Variants in PCDHA2 observed in about 807,000 individuals in gnomAD.
PCDHA2 encodes protocadherin alpha 2.
In PCDHA2, 58 loss-of-function variants were observed where a neutral mutation model predicts 66.0. The observed-to-expected ratio is 0.88, with a 90% CI of 0.71 to 1.09. The LOEUF (loss-of-function observed/expected upper bound fraction) is 1.09. Ranked by LOEUF, PCDHA2 falls within the 50% of genes least tolerant of loss-of-function variation. The pLI is 0.00. For missense variants in PCDHA2, 1,267 were observed against 1,242.3 expected (o/e 1.02, Z -0.30); for synonymous variants, 634 against 554.0 (o/e 1.14, Z -2.03).
chr5:140,918,234 T>G (rs1188816850), intron 1 of PCDHA2, among the ~76,000 whole-genome samples: 1 of 152,210 alleles, frequency 6.6e-6, no homozygotes, highest in Non-Finnish European at 1.5e-5. Context: ...TTTTGTACAT[T>G]GATTTTGTAT....
intron 1 of PCDHA2, among the ~76,000 whole-genome samples, chr5:140,917,068 G>A (rs2077864221): frequency 6.6e-6 from 1 of 152,066 alleles, no homozygotes; most frequent in African/African-American, 2.4e-5. Flanking sequence ...CGACAGCACC[G>A]AGTTTAATGT....
intron 1 of PCDHA2, chr5:140,841,607 T>G (rs1554138334): frequency 4.3e-6 from 7 of 1,614,090 alleles, no homozygotes; most frequent in Non-Finnish European, 5.9e-6. Flanking sequence ...CGAGGAGCTG[T>G]GCGGGCGGAG....
intron 1 of PCDHA2, among the ~76,000 whole-genome samples, chr5:140,914,941 T>C (rs1554196635): frequency 6.9e-6 from 1 of 145,614 alleles, no homozygotes; most frequent in Non-Finnish European, 1.5e-5. Flanking sequence ...TGTGAAAAGT[T>C]GTCTTTTTTT....
chr5:140,807,031 GA>G, intron 1 of PCDHA2: 1 of 901,876 alleles, frequency 1.1e-6, no homozygotes, highest in Non-Finnish European at 1.7e-6. Context: ...GAAGGAGGAA[GA>G]AGGGAAAATT....
At chr5:140,852,705 T>C in intron 1 of PCDHA2, 1 of 979,478 alleles carries the variant, frequency 1.0e-6, no homozygotes, top group Non-Finnish European at 1.2e-6. Context: ...TTCAAGTATC[T>C]TTGTCTTTGC....
rs1375244170 is a variant in PCDHA2 at position 140,803,301 on chromosome 5, G to T, written c.2388+5949G>T. 4 of 1,613,996 alleles carry T rather than the reference G, an allele frequency of 2.5e-6. No individual in the cohort carries two copies. In the African/African-American group the frequency reaches 5.3e-5, roughly 22 times the overall value. ...GGTGGATGTCAACGTGTACTTGATC[G>T]TCGCCATCTGCGCGGTGTCCAGTCT... On this transcript the variant is annotated intron_variant, in intron 1 of 3. Transcript: ENST00000526136.
chr5:140,827,993 G>A (rs1554130961), intron 1 of PCDHA2: 2 of 1,474,758 alleles, frequency 1.4e-6, no homozygotes, highest in Non-Finnish European at 1.8e-6. Flanking sequence ...TTGAATGATG[G>A]CGGACGCAGA....
At chr5:140,881,638 A>G (rs1237929257) in intron 1 of PCDHA2, among the ~76,000 whole-genome samples, 1 of 152,214 alleles carries the variant, frequency 6.6e-6, no homozygotes, top group Non-Finnish European at 1.5e-5. Context: ...TCAGTTACCA[A>G]TATTTTTCAC....
intron 1 of PCDHA2, chr5:140,829,899 A>G: frequency 5.0e-6 from 8 of 1,614,020 alleles, no homozygotes; most frequent in Non-Finnish European, 6.8e-6. Context: ...GACTCAGGCT[A>G]CAACGCGTGG....
At position 140,795,001 on chromosome 5, in the gene PCDHA2, A is replaced by G. The variant is rs1554119218; in HGVS notation, c.37A>G (p.Thr13Ala). Residue 13 changes from threonine to alanine, a missense_variant, in exon 1 of 4, where the codon ACA (threonine) becomes GCA (alanine). Transcript: ENST00000526136. ...SSIRRGRGAW[T>A]RLLSLLLLAA... is the part of the protein sequence containing the mutation. ...TATCAGAAGGGGCCGAGGGGCCTGGACACGGCTGCTCTCGCTTCTGCTCCT... is the reference window on the plus strand; with the variant it reads ...TATCAGAAGGGGCCGAGGGGCCTGGGCACGGCTGCTCTCGCTTCTGCTCCT... 1.9e-6 allele frequency: 3 copies of G among 1,613,710 alleles called. No homozygotes were observed. In the Admixed American group the frequency reaches 5.0e-5, roughly 27 times the overall value.
intron 1 of PCDHA2, chr5:140,869,286 G>C: frequency 6.2e-7 from 1 of 1,613,616 alleles, no homozygotes; most frequent in Non-Finnish European, 8.5e-7. Flanking sequence ...AGCTGGTGCA[G>C]CGCCTGTTCC....
intron 1 of PCDHA2, among the ~76,000 whole-genome samples, chr5:140,950,195 C>T (rs186601471): frequency 6.6e-6 from 1 of 152,028 alleles, no homozygotes; most frequent in South Asian, 2.1e-4. Flanking sequence ...AAAAAATAGT[C>T]ATTTCTGTTT....
chr5:140,964,585 T>C (rs1275209289), intron 1 of PCDHA2, among the ~76,000 whole-genome samples: 1 of 151,992 alleles, frequency 6.6e-6, no homozygotes, highest in Non-Finnish European at 1.5e-5. Flanking sequence ...GGAGGAAAGA[T>C]CACTTTTCAT....
intron 1 of PCDHA2, chr5:140,884,153 G>T: frequency 6.2e-7 from 1 of 1,613,470 alleles, no homozygotes; most frequent in Non-Finnish European, 8.5e-7. Flanking sequence ...GCTGTACACT[G>T]GCGAGATCAG....
chr5:140,821,559 G>C, intron 1 of PCDHA2: 1 of 518,590 alleles, frequency 1.9e-6, no homozygotes, highest in Non-Finnish European at 3.3e-6. Flanking sequence ...ACATGATGTC[G>C]CTGGACACCG....
Position 140,795,666 on chromosome 5 carries a change from T to C in PCDHA2, c.702T>C (p.Asp234=), listed in dbSNP as rs782748843. The C allele has an allele frequency of 1.1e-5, 18 of 1,613,934 alleles. No homozygotes were observed. In the African/African-American group the frequency reaches 1.2e-4, roughly 11 times the overall value. ...TTCAAATACTTATTAAGGTATTAGA[T>C]GTAAATGACAATGAACCAACTTTTG... is the stretch of plus-strand genomic sequence containing the variant. The part of the protein sequence containing the change: ...GTVQILIKVL[D]VNDNEPTFAQ... Residue 234 remains aspartate, a synonymous_variant, in exon 1 of 4, where the codon GAT becomes GAC. Coordinates refer to ENST00000526136, the MANE Select transcript of PCDHA2 (RefSeq NM_018905.3).
chr5:140,990,205 G>T (rs2097380865), intron 3 of PCDHA2, among the ~76,000 whole-genome samples: 1 of 152,116 alleles, frequency 6.6e-6, no homozygotes, highest in Non-Finnish European at 1.5e-5. Context: ...ACCCGAAAGA[G>T]AACAAAGAGA....
chr5:140,852,117 T>A, intron 1 of PCDHA2: 1 of 906,144 alleles, frequency 1.1e-6, no homozygotes, highest in Non-Finnish European at 1.3e-6. Context: ...AGGTATGACC[T>A]AATTAAAAAC....
At chr5:140,894,042 C>T (rs1180138209) in intron 1 of PCDHA2, among the ~76,000 whole-genome samples, 2 of 152,078 alleles carry the variant, frequency 1.3e-5, no homozygotes, top group African/African-American at 2.4e-5. Context: ...TAATGTAAGT[C>T]CTCTGTTGAA....
Sources: allele counts gnomAD v4.1 joint callset (sites outside exome capture counted in the v4.1 genomes callset), GRCh38; gene constraint gnomAD v4.1.1; transcripts MANE v1.5; gene names NCBI Gene and HGNC (gene_info 2026-07-23, HGNC 2026-07-21).